The following KTN1 variants were observed in gnomAD, a reference collection of about 807,000 sequenced individuals.
The protein encoded by KTN1 is kinectin.
Under a neutral mutation model 222.5 loss-of-function variants are expected in KTN1, and 130 were observed. The ratio of observed to expected loss-of-function variants is 0.58; its 90% CI spans 0.51 to 0.68. The LOEUF (loss-of-function observed/expected upper bound fraction) is 0.68, where lower values mean the gene tolerates loss of function less well. KTN1 is among the 30% of genes least tolerant of loss of function. The pLI is 0.00. For synonymous variants in KTN1, 512 were observed against 496.3 expected (o/e 1.03, Z -0.42); for missense variants, 1,508 against 1,500.4 (o/e 1.01, Z -0.08).
chr14:55,670,814 G>C lies in KTN1; in HGVS notation c.3348+5G>C. On this transcript the variant is annotated splice_donor_5th_base_variant and intron_variant, in intron 35 of 43. Transcript: ENST00000395314. ...TCAGGGTCAGAGGAGGTTAAGGTTA[G>C]TTCAGCAAATGAACTGTTTGTAATT... 6.3e-7 allele frequency: 1 copy of C among 1,580,868 alleles called. No homozygotes were observed. The highest frequency in any genetic ancestry group is 8.6e-7 in the Non-Finnish European group (1 of 1,156,670).
In KTN1 at chr14:55,662,980, G is replaced by C. The variant is rs548708061; in HGVS notation, c.3091-975G>C. On this transcript the variant is annotated intron_variant, in intron 32 of 43. Coordinates refer to ENST00000395314, the MANE Select transcript of KTN1 (RefSeq NM_001079521.2). ...TGTGAAAAGAGCCAGGACACTGGAG[G>C]CCAGCAGATAGCAGTGTCAGTCTTT... 8.8e-6 allele frequency: 4 copies of C among 456,064 alleles called. 1 individual carries two copies. Among genetic ancestry groups the C allele is most frequent in the South Asian group, 6.2e-5 (4 of 64,550 alleles). 28.3% of individuals were successfully genotyped at this position (456,064 alleles called of 1,614,324 possible). A position where few individuals can be genotyped will look rare whatever the true frequency, so the allele number is the denominator to read the frequency against.
intron 1 of KTN1, among the ~76,000 whole-genome samples, chr14:55,582,959 A>G (rs2032068049): frequency 6.6e-6 from 1 of 152,224 alleles, no homozygotes; most frequent in African/African-American, 2.4e-5. Flanking sequence ...ACTCATGCTC[A>G]AAGAGAATTG....
intron 33 of KTN1, among the ~76,000 whole-genome samples, chr14:55,665,894 TAGATAC>T (rs2044683028): frequency 6.6e-6 from 1 of 152,030 alleles, no homozygotes; most frequent in African/African-American, 2.4e-5. Flanking sequence ...TTGGTTATGT[TAGATAC>T]TTTGTTCTTT....
At chr14:55,663,414 G>A (rs1051424850) in intron 32 of KTN1, 2 of 165,080 alleles carry the variant, frequency 1.2e-5, no homozygotes, top group African/African-American at 2.4e-5. Flanking sequence ...TTGTTTTGTG[G>A]CATGAATGTT....
chr14:55,682,709 G>A (rs961123254), intron 43 of KTN1: 1 of 152,132 alleles, frequency 6.6e-6, no homozygotes, highest in African/African-American at 2.4e-5. Context: ...AAGGTCATAC[G>A]GCTAATAAAT....
chr14:55,627,507 C>T (rs1324192369), intron 5 of KTN1, among the ~76,000 whole-genome samples: 1 of 151,734 alleles, frequency 6.6e-6, no homozygotes, highest in African/African-American at 2.4e-5. Flanking sequence ...GCAGAACGTG[C>T]AGGTTTGTTA....
At position 55,653,062 on chromosome 14, in the gene KTN1, G is replaced by A; in HGVS notation, c.2740G>A (p.Val914Ile). ...NESLKAHVQEVAQHNLKEASS... is the reference protein window; with the variant it reads ...NESLKAHVQEIAQHNLKEASS... ...ATCTTTAAAAGCACATGTTCAGGAA[G>A]TAGCACAACATAACTTGAAAGAGGT... Residue 914 changes from valine to isoleucine, a missense_variant, in exon 27 of 44, where the codon GTA becomes ATA. Transcript: ENST00000395314. The A allele has an allele frequency of 1.9e-6, 3 of 1,599,226 alleles. No homozygotes were observed. The highest frequency in any genetic ancestry group is 2.2e-5 in the East Asian group (1 of 44,658).
At position 55,639,198 on chromosome 14, in the gene KTN1, T is replaced by A; in HGVS notation, c.1799T>A (p.Val600Asp). The A allele has an allele frequency of 1.2e-6, 2 of 1,605,270 alleles. No individual in the cohort carries two copies. Among genetic ancestry groups the A allele is most frequent in the Non-Finnish European group, 1.7e-6 (2 of 1,172,562 alleles). Reference protein sequence around the residue: ...SQIAAQTSASVLAEELHKVIA... With the variant: ...SQIAAQTSASDLAEELHKVIA... ...TTTCTTTCTTAGACCTCCGCTTCAG[T>A]TCTAGCAGAAGAATTACATAAAGTG... The change falls in exon 13 of 44, where the codon GTT (valine) becomes GAT (aspartate). Residue 600 changes from valine to aspartate, a missense_variant. Transcript: ENST00000395314.
intron 18 of KTN1, chr14:55,644,560 C>CTTTT (rs34100965): frequency 9.4e-6 from 3 of 320,662 alleles, no homozygotes; most frequent in East Asian, 8.8e-5. Flanking sequence ...CAGAATAAGA[C>CTTTT]TTTTTTTTTT....
At chr14:55,654,313 T>C (rs1200958309) in intron 28 of KTN1, among the ~76,000 whole-genome samples, 2 of 151,118 alleles carry the variant, frequency 1.3e-5, no homozygotes, top group Non-Finnish European at 3.0e-5. Context: ...ACTGTCAAGA[T>C]ATTGAGGATA....
intron 6 of KTN1, among the ~76,000 whole-genome samples, chr14:55,628,264 A>G (rs991565145): frequency 1.3e-5 from 2 of 152,246 alleles, no homozygotes; most frequent in African/African-American, 2.4e-5. Flanking sequence ...TCAGAATAAC[A>G]AAAGCACTCT....
chr14:55,673,816 A>G (rs1370777603), intron 40 of KTN1: 2 of 152,172 alleles, frequency 1.3e-5, no homozygotes, highest in Non-Finnish European at 2.9e-5. Context: ...AGGCTTTGAG[A>G]TAAAGTTAGC....
chr14:55,656,862 C>T (rs539268583), intron 29 of KTN1, among the ~76,000 whole-genome samples: 28 of 152,272 alleles, frequency 1.8e-4, no homozygotes, highest in African/African-American at 6.7e-4. Flanking sequence ...TATCCTTGCA[C>T]ATGTTTTGAA....
intron 1 of KTN1, chr14:55,607,330 TATA>T (rs1289054129): frequency 6.6e-6 from 1 of 152,194 alleles, no homozygotes; most frequent in Non-Finnish European, 1.5e-5. Context: ...GTTAACTTAT[TATA>T]ATTTTTTTTT....
At chr14:55,681,600 C>T (rs1410470863) in intron 43 of KTN1, 1 of 152,126 alleles carries the variant, frequency 6.6e-6, no homozygotes, top group Non-Finnish European at 1.5e-5. Context: ...TCTGTATACC[C>T]TCACAACGCA....
intron 29 of KTN1, chr14:55,656,458 T>A (rs887861227): frequency 5.0e-6 from 1 of 201,638 alleles, no homozygotes; most frequent in Non-Finnish European, 9.8e-6. Flanking sequence ...TGGATGGTTA[T>A]ATCATTTATT....
In KTN1 at chr14:55,659,459, T is replaced by C. The variant is rs77216982; in HGVS notation, c.2962-207T>C. On this transcript the variant is annotated intron_variant, in intron 30 of 43. Coordinates refer to ENST00000395314, the MANE Select transcript of KTN1 (RefSeq NM_001079521.2). ...GAAGAGTTCAAGTACGTTGCGACAG[T>C]AGAGATTGGATTTAGCATTCCATAC... Among the ~76,000 whole-genome samples the C allele has an allele frequency of 9.1e-3, 1,385 of 152,240 alleles. 9 individuals carry two copies. Among genetic ancestry groups the C allele is most frequent in the South Asian group, 0.025 (123 of 4,824 alleles).
intron 41 of KTN1, among the ~76,000 whole-genome samples, chr14:55,677,742 A>G (rs1012784883): frequency 2.0e-5 from 3 of 152,086 alleles, no homozygotes; most frequent in Non-Finnish European, 4.4e-5. Flanking sequence ...CTTATTGCCC[A>G]GGCTGGAGTG....
Position 55,640,856 on chromosome 14 carries a change from A to G in KTN1, c.1984-77A>G, listed in dbSNP as rs192320552. 69 of 1,128,644 alleles carry G rather than the reference A, an allele frequency of 6.1e-5. 1 individual carries two copies. In the East Asian group the frequency reaches 1.0e-3, roughly 17 times the overall value. 69.9% of individuals were successfully genotyped at this position (1,128,644 alleles called of 1,614,324 possible). ...ATATATGGAAATACAGCTTTTTAATATGTAAAAATTAGTGAAAAAAATAGT... is the reference window on the plus strand; with the variant it reads ...ATATATGGAAATACAGCTTTTTAATGTGTAAAAATTAGTGAAAAAAATAGT... On this transcript the variant is annotated intron_variant, in intron 15 of 43. Coordinates refer to ENST00000395314, the MANE Select transcript of KTN1 (RefSeq NM_001079521.2).
Sources: allele counts gnomAD v4.1 joint callset (sites outside exome capture counted in the v4.1 genomes callset), GRCh38; gene constraint gnomAD v4.1.1; transcripts MANE v1.5; gene names NCBI Gene and HGNC (gene_info 2026-07-23, HGNC 2026-07-21).